Variants in TMEM268 observed in about 807,000 individuals in gnomAD.
TMEM268 encodes transmembrane protein 268, also known as transmembrane protein C9orf91.
In TMEM268, 24 loss-of-function variants were observed where a neutral mutation model predicts 39.1. The ratio of observed to expected loss-of-function variants is 0.61; its 90% confidence interval spans 0.44 to 0.86. TMEM268 has a LOEUF of 0.86. TMEM268 is among the 40% of genes least tolerant of loss of function. The probability of loss-of-function intolerance (pLI) is 0.00; values close to 1 mark genes in which losing one functional copy is unlikely to be tolerated. For synonymous variants in TMEM268, 176 were observed against 173.5 expected, an observed-to-expected ratio of 1.01 and a Z score of -0.12; for missense variants, 409 against 428.6, an observed-to-expected ratio of 0.95 and a Z score of 0.40.
Position 114,640,791 on chromosome 9 carries a change from T to G in TMEM268, c.849+2065T>G, listed in dbSNP as rs1336995803. Among the ~76,000 whole-genome samples, 4 of 152,332 alleles carry G rather than the reference T, an allele frequency of 2.6e-5. No homozygotes were observed. The East Asian group carries it at 7.7e-4, about 29-fold the overall frequency. On this transcript the variant is annotated intron_variant, in intron 8 of 8. Coordinates refer to ENST00000288502, the MANE Select transcript of TMEM268 (RefSeq NM_153045.4). ...GAACCATGTGGGGTTTCTGCTTTTT[T>G]GAGTGATAATGATGGAAAGATATTG...
chr9:114,626,932 A>G lies in TMEM268; in HGVS notation c.250A>G (p.Ser84Gly), dbSNP rs1846185290. 4 of 1,613,638 alleles carry G rather than the reference A, an allele frequency of 2.5e-6. No individual in the cohort carries two copies. Among genetic ancestry groups the G allele is most frequent in the Non-Finnish European group, 3.4e-6 (4 of 1,179,704 alleles). Residue 84 changes from serine (S) to glycine (G), a missense_variant, in exon 4 of 9, where the codon AGT becomes GGT. Transcript: ENST00000288502. Reference protein sequence around the residue: ...PADQYRSLAESALLEPQVRRY... With the variant: ...PADQYRSLAEGALLEPQVRRY... ...TGACCAGTACAGGAGCTTGGCTGAGAGTGCCCTCTTGGAGCCCCAAGTGAG... is the reference window on the plus strand; with the variant it reads ...TGACCAGTACAGGAGCTTGGCTGAGGGTGCCCTCTTGGAGCCCCAAGTGAG...
chr9:114,634,012 T>C (rs934807178), intron 6 of TMEM268, 134 bp downstream of exon 6: 4 of 487,592 alleles, frequency 8.2e-6, no homozygotes, highest in African/African-American at 8.0e-5. Flanking sequence ...TTGGCAGCCC[T>C]TTCCTTCCTC....
intron 5 of TMEM268, among the ~76,000 whole-genome samples, chr9:114,633,382 G>A (rs1028059445): frequency 6.6e-6 from 1 of 151,956 alleles, no homozygotes; most frequent in East Asian, 1.9e-4. Flanking sequence ...GGCTGGTCTC[G>A]AACTCCTGAC....
intron 1 of TMEM268, among the ~76,000 whole-genome samples, chr9:114,614,551 A>G (rs1845628254): frequency 6.6e-6 from 1 of 152,258 alleles, no homozygotes; most frequent in Non-Finnish European, 1.5e-5. Flanking sequence ...TGAGGGCATG[A>G]GAGCCCTGTT....
rs765754148 is a variant in TMEM268 at position 114,617,258 on chromosome 9, C to G, written c.63C>G (p.Gly21=). 2 of 1,613,360 alleles carry G rather than the reference C, an allele frequency of 1.2e-6. No homozygotes were observed. Among genetic ancestry groups the G allele is most frequent in the Non-Finnish European group, 8.5e-7 (1 of 1,179,618 alleles). The change falls in exon 2 of 9, where the codon GGC becomes GGG. Residue 21 remains glycine (G), a synonymous_variant. Transcript: ENST00000288502. Reference sequence around the variant, plus strand: ...GCCCATTGCCCCCCTCCTCCCCTGGCTGGAGTGCCCTGCCTGGAGGGAGCC... The same window carrying G: ...GCCCATTGCCCCCCTCCTCCCCTGGGTGGAGTGCCCTGCCTGGAGGGAGCC... ...ATGPLPPSSP[G]WSALPGGSPP...
chr9:114,604,469 A>G, the TMEM268 span, among the ~76,000 whole-genome samples: 1 of 151,346 alleles, frequency 6.6e-6, no homozygotes. Context: ...AGTCCCAGCT[A>G]CTCAGGATGC....
intron 1 of TMEM268, among the ~76,000 whole-genome samples, chr9:114,616,824 T>C (rs1177609227): frequency 6.6e-6 from 1 of 152,188 alleles, no homozygotes; most frequent in Non-Finnish European, 1.5e-5. Flanking sequence ...TGCCTGGCAG[T>C]GGGGCCTGGT....
chr9:114,640,869 C>T (rs190527369), intron 8 of TMEM268, among the ~76,000 whole-genome samples: 10 of 151,406 alleles, frequency 6.6e-5, no homozygotes, highest in African/African-American at 2.4e-4. Flanking sequence ...GTCTATTAGT[C>T]TCTCTCTCTC....
intron 5 of TMEM268, among the ~76,000 whole-genome samples, chr9:114,632,037 G>A (rs1458877255): frequency 1.3e-5 from 2 of 150,214 alleles, no homozygotes; most frequent in East Asian, 3.9e-4. Flanking sequence ...GGTCAAGCCT[G>A]CAGTGAGCTG....
At position 114,628,264 on chromosome 9, in the gene TMEM268, A is replaced by T. The variant is rs928680995; in HGVS notation, c.474+14A>T. ...CACCAGAAGAAGGTGAGATGTCTGG[A>T]GATCCCTGCCACACTCTCTCCAGAA... On this transcript the variant is annotated intron_variant, in intron 5 of 8. Coordinates refer to ENST00000288502, the MANE Select transcript of TMEM268 (RefSeq NM_153045.4). 2.5e-6 allele frequency: 4 copies of T among 1,611,424 alleles called. No homozygotes were observed. In the Admixed American group the frequency reaches 6.7e-5, roughly 27 times the overall value.
At chr9:114,634,528 CAGTT>C (rs1290939023) in intron 6 of TMEM268, among the ~76,000 whole-genome samples, 8 of 152,318 alleles carry the variant, frequency 5.3e-5, no homozygotes, top group Non-Finnish European at 8.8e-5. Context: ...GGTCAGAACA[CAGTT>C]AGGCCAGATC....
intron 2 of TMEM268, among the ~76,000 whole-genome samples, chr9:114,619,048 T>C (rs1294698717): frequency 6.6e-6 from 1 of 152,344 alleles, no homozygotes. Context: ...GAGGGTTTTT[T>C]AGAGGCTTTG....
intron 2 of TMEM268, among the ~76,000 whole-genome samples, chr9:114,619,267 C>A (rs891658494): frequency 6.7e-6 from 1 of 149,132 alleles, no homozygotes; most frequent in African/African-American, 2.5e-5. Context: ...GAAACTGCTT[C>A]CCCCTCTGCG....
At chr9:114,635,603 C>A (rs530919102) in intron 6 of TMEM268, among the ~76,000 whole-genome samples, 1 of 152,056 alleles carries the variant, frequency 6.6e-6, no homozygotes, top group East Asian at 1.9e-4. Context: ...CACCTGAGCG[C>A]GGGATGTCAA....
At chr9:114,610,042 A>AT (rs112492997), upstream of TMEM268, among the ~76,000 whole-genome samples, 13,613 of 145,664 alleles carry the variant, frequency 0.093, 858 homozygotes, top group African/African-American at 0.16. Flanking sequence ...GGTTTTTGCA[A>AT]TTTTTTTTTT....
At chr9:114,629,029 G>A (rs1019512774) in intron 5 of TMEM268, among the ~76,000 whole-genome samples, 2 of 152,160 alleles carry the variant, frequency 1.3e-5, no homozygotes, top group South Asian at 2.1e-4. Flanking sequence ...CTTTGCAGTC[G>A]AGGAACCCTA....
intron 2 of TMEM268, among the ~76,000 whole-genome samples, chr9:114,620,528 C>T: frequency 6.6e-6 from 1 of 152,082 alleles, no homozygotes. Flanking sequence ...GGACTGCAGG[C>T]GTGAGCCACC....
intron 1 of TMEM268, 149 bp from the exon 2 acceptor site, chr9:114,616,969 C>G: frequency 2.1e-6 from 1 of 468,082 alleles, no homozygotes. Context: ...GGGAATTTTT[C>G]TCAGCATGTT....
chr9:114,613,901 C>T (rs1564282670), intron 1 of TMEM268, among the ~76,000 whole-genome samples: 1 of 152,148 alleles, frequency 6.6e-6, no homozygotes, highest in Non-Finnish European at 1.5e-5. Context: ...TGGCTGGTAG[C>T]ATAGCCTCCC....
Sources: gnomAD v4.1 joint callset for allele counts (sites outside exome capture counted in the v4.1 genomes callset) on GRCh38, gnomAD v4.1.1 for gene constraint, MANE v1.5 for transcripts, NCBI Gene and HGNC (gene_info 2026-07-23, HGNC 2026-07-21) for gene names.